The following LCN12 variants were observed in gnomAD, a reference collection of about 807,000 sequenced individuals.
The protein encoded by LCN12 is lipocalin 12, also known as epididymal-specific lipocalin-12.
Under a neutral mutation model 23.7 loss-of-function variants are expected in LCN12, and 15 were observed. The ratio of observed to expected loss-of-function variants is 0.63; its 90% CI spans 0.42 to 0.97. The LOEUF is 0.97. Among genes scored for constraint, LCN12 ranks in the 50% least tolerant of loss-of-function variants. The pLI is 0.00. For synonymous variants in LCN12, 116 were observed against 111.5 expected, an observed-to-expected ratio of 1.04 and a Z score of -0.25; for missense variants, 219 against 249.6, an observed-to-expected ratio of 0.88 and a Z score of 0.83.
chr9:136,954,126 G>C lies in LCN12; in HGVS notation c.449-28G>C, dbSNP rs544543386. The C allele has an allele frequency of 3.3e-6, 5 of 1,532,000 alleles. No homozygotes were observed. In the South Asian group the frequency reaches 6.3e-5, roughly 19 times the overall value. The allele number at this position is 1,532,000 out of a possible 1,614,324, so 94.9% of individuals were successfully genotyped here. On this transcript the variant is annotated intron_variant, in intron 4 of 5. Transcript: ENST00000371633. Reference sequence around the variant, plus strand: ...CCCCCAACCCCCTGCCAAGTGCACAGACCCATGCTGGGCTCCCTGGGCTGC... The same window carrying C: ...CCCCCAACCCCCTGCCAAGTGCACACACCCATGCTGGGCTCCCTGGGCTGC...
intron 2 of LCN12, 28 bp downstream of exon 2, chr9:136,953,056 C>T (rs115757662): frequency 1.2e-5 from 19 of 1,612,086 alleles, no homozygotes; most frequent in East Asian, 8.9e-5. Context: ...CCGTTCCAAG[C>T]GGGTGAGGAG....
upstream of LCN12, chr9:136,952,196 G>A: frequency 1.4e-6 from 1 of 699,628 alleles, no homozygotes; most frequent in Non-Finnish European, 2.6e-6. Flanking sequence ...CCAGTCCTGA[G>A]GAGGGAGGCA....
At chr9:136,950,482 G>A (rs752494736), upstream of LCN12, among the ~76,000 whole-genome samples, 1 of 152,184 alleles carries the variant, frequency 6.6e-6, no homozygotes, top group Non-Finnish European at 1.5e-5. Flanking sequence ...TTTTCCTCCC[G>A]CAGGGCCCTG....
At chr9:136,954,379 AG>A in intron 5 of LCN12, 124 bp downstream of exon 5, 2 of 1,080,594 alleles carry the variant, frequency 1.9e-6, no homozygotes, top group South Asian at 2.7e-5. Flanking sequence ...GCCTGCGCTC[AG>A]GGGTCTCCAG....
chr9:136,955,855 C>T (rs980267686), downstream of LCN12, among the ~76,000 whole-genome samples: 10 of 152,206 alleles, frequency 6.6e-5, no homozygotes, highest in Non-Finnish European at 1.2e-4. Flanking sequence ...CGGAAACACT[C>T]AGACCCCGAG....
intron 5 of LCN12, chr9:136,954,999 A>G (rs780363271): frequency 3.0e-6 from 4 of 1,346,978 alleles, no homozygotes; most frequent in Non-Finnish European, 3.8e-6. Context: ...CACGCCACTC[A>G]CACTGGCACA....
rs572012646 is a variant in LCN12, at chr9:136,953,000, C to T, written c.223C>T (p.Arg75Cys). 50 of 1,614,068 alleles carry T rather than the reference C, an allele frequency of 3.1e-5. No individual in the cohort carries two copies. Among genetic ancestry groups the T allele is most frequent in the Middle Eastern group, 3.3e-4 (2 of 6,062 alleles). The change falls in exon 2 of 6, where the codon CGC becomes TGC. Residue 75 changes from arginine (R) to cysteine (C), a missense_variant. Physicochemically the swap from Arg to Cys is radical, Grantham distance 180. Transcript: ENST00000371633. ...TATFELSDDG[R>C]FEVWNAMTRG... ...AACTTTTGAGCTAAGTGATGATGGC[C>T]GCTTTGAGGTGTGGAATGCGATGAC...
Position 136,955,379 on chromosome 9 carries a change from C to T in LCN12, c.559C>T (p.Pro187Ser), listed in dbSNP as rs774490167. The T allele has an allele frequency of 6.2e-7, 1 of 1,613,352 alleles. No individual in the cohort carries two copies. Among genetic ancestry groups the T allele is most frequent in the Non-Finnish European group, 8.5e-7 (1 of 1,179,764 alleles). The change falls in exon 6 of 6, where the codon CCC becomes TCC. Residue 187 changes from proline (P) to serine (S), a missense_variant. By Grantham distance (74) the Pro-to-Ser change is moderately conservative. Transcript: ENST00000371633. ...TCCATCTCCCCCACCAGGCTGGTCA[C>T]CCCAGGCCAGCGTCTGTTGAAGGAT... is the stretch of plus-strand genomic sequence containing the variant. ...IVFPDVTGWS[P>S]QASVC
chr9:136,955,428 C>T lies in LCN12; in HGVS notation c.*29C>T. ...ATGAAGCAGCTCCTGTCCGGCCCAGCCCTGCCTCACAGCTGTGCGAGCTCT... is the reference window on the plus strand; with the variant it reads ...ATGAAGCAGCTCCTGTCCGGCCCAGTCCTGCCTCACAGCTGTGCGAGCTCT... On this transcript the variant is annotated 3_prime_UTR_variant, in exon 6 of 6. Coordinates refer to ENST00000371633, the MANE Select transcript of LCN12 (RefSeq NM_178536.4). The T allele has an allele frequency of 6.2e-7, 1 of 1,605,744 alleles. No individual in the cohort carries two copies. The highest frequency in any genetic ancestry group is 8.5e-7 in the Non-Finnish European group (1 of 1,173,224).
At chr9:136,953,586 C>T (rs753282314) in intron 2 of LCN12, 114 bp from the exon 3 acceptor site, 4 of 706,006 alleles carry the variant, frequency 5.7e-6, no homozygotes, top group Non-Finnish European at 9.4e-6. Flanking sequence ...TGACGCTTGG[C>T]CACTCCCGCC....
chr9:136,952,686 G>A, intron 1 of LCN12: 1 of 649,022 alleles, frequency 1.5e-6, no homozygotes, highest in Non-Finnish European at 2.6e-6. Flanking sequence ...GCTCGGGAAG[G>A]CCGCACAGCC....
intron 1 of LCN12, 86 bp from the exon 2 acceptor site, chr9:136,952,806 C>T: frequency 2.0e-6 from 3 of 1,490,848 alleles, no homozygotes; most frequent in Non-Finnish European, 2.7e-6. Context: ...GGTCCAGAAG[C>T]TGCCAGGGAG....
Position 136,952,445 on chromosome 9 carries a change from C to G in LCN12, c.114+4C>G. 6.3e-7 allele frequency: 1 copy of G among 1,597,958 alleles called. No individual in the cohort carries two copies. The highest frequency in any genetic ancestry group is 1.3e-5 in the African/African-American group (1 of 74,676). On this transcript the variant is annotated splice_donor_region_variant and intron_variant, in intron 1 of 5. Coordinates refer to ENST00000371633, the MANE Select transcript of LCN12 (RefSeq NM_178536.4). ...GCAGAGCTTCCAAGGAAACCAGGTA[C>G]AGGGGTTTTGACGGAAGGAGAAGCA...
At chr9:136,954,684 T>TG in intron 5 of LCN12, 1 of 1,281,980 alleles carries the variant, frequency 7.8e-7, no homozygotes, top group Non-Finnish European at 1.0e-6. Context: ...CCTCCTCCCC[T>TG]CACCCATCCC....
intron 1 of LCN12, 158 bp downstream of exon 1, chr9:136,952,599 C>A: frequency 1.6e-6 from 1 of 637,002 alleles, no homozygotes; most frequent in Non-Finnish European, 2.7e-6. Context: ...AGAGGAGGGC[C>A]CAGCGCAGAC....
intron 1 of LCN12, 36 bp from the exon 2 acceptor site, chr9:136,952,856 G>A: frequency 6.6e-7 from 1 of 1,517,108 alleles, no homozygotes; most frequent in South Asian, 1.1e-5. Context: ...TGCCACCCCT[G>A]CCCACCGCCG....
chr9:136,954,303 G>A (rs753401637), intron 5 of LCN12, 48 bp downstream of exon 5: 218 of 1,540,986 alleles, frequency 1.4e-4, no homozygotes, highest in Non-Finnish European at 1.8e-4. Context: ...CACGGGGCCC[G>A]CAGGAATGAG....
downstream of LCN12, among the ~76,000 whole-genome samples, chr9:136,956,484 C>G (rs746830738): frequency 1.3e-5 from 2 of 152,222 alleles, no homozygotes; most frequent in Non-Finnish European, 1.5e-5. Flanking sequence ...GAGATGGATC[C>G]CCATGATCAA....
intron 1 of LCN12, 170 bp from the exon 2 acceptor site, chr9:136,952,722 C>A (rs1332367621): frequency 1.3e-6 from 1 of 755,072 alleles, no homozygotes. Context: ...CATGTCCCTG[C>A]CAGACCCAGA....
Sources: gnomAD v4.1 joint callset for allele counts (sites outside exome capture counted in the v4.1 genomes callset) on GRCh38, gnomAD v4.1.1 for gene constraint, MANE v1.5 for transcripts, NCBI Gene and HGNC (gene_info 2026-07-23, HGNC 2026-07-21) for gene names.